The following HPSE2 variants were observed in gnomAD, a reference collection of about 807,000 sequenced individuals.
HPSE2 encodes the protein heparanase 2 (inactive).
In HPSE2, 38 loss-of-function variants were observed where a neutral mutation model predicts 60.5. The observed-to-expected ratio is 0.63, with a 90% CI of 0.48 to 0.82. The LOEUF is 0.82. Ranked by LOEUF, HPSE2 falls within the 40% of genes least tolerant of loss-of-function variation. The pLI is 0.00. For synonymous variants in HPSE2, 295 were observed against 293.2 expected (o/e 1.01, Z -0.06); for missense variants, 713 against 740.4 (o/e 0.96, Z 0.43).
At chr10:99,120,012 A>C (rs1844883071) in intron 3 of HPSE2, among the ~76,000 whole-genome samples, 1 of 152,248 alleles carries the variant, frequency 6.6e-6, no homozygotes, top group Non-Finnish European at 1.5e-5. Context: ...CCTAGGCAGT[A>C]CCATCCTGGA....
intron 6 of HPSE2, among the ~76,000 whole-genome samples, chr10:98,677,922 T>A (rs568357677): frequency 1.3e-5 from 2 of 152,318 alleles, no homozygotes; most frequent in South Asian, 4.1e-4. Context: ...TTTGCTCACA[T>A]TTACTTATAT....
intron 9 of HPSE2, among the ~76,000 whole-genome samples, chr10:98,614,528 G>A (rs973211086): frequency 5.3e-5 from 8 of 152,060 alleles, no homozygotes; most frequent in Admixed American, 2.0e-4. Context: ...TCCTGACCTC[G>A]TGATCCACCC....
intron 4 of HPSE2, among the ~76,000 whole-genome samples, chr10:98,736,670 T>C (rs919584991): frequency 6.6e-6 from 1 of 152,244 alleles, no homozygotes; most frequent in Admixed American, 6.5e-5. Flanking sequence ...TTTCAAACTA[T>C]AAGAGATTCC....
intron 2 of HPSE2, among the ~76,000 whole-genome samples, chr10:99,218,435 G>C (rs1478274624): frequency 2.0e-5 from 3 of 151,980 alleles, no homozygotes; most frequent in Non-Finnish European, 4.4e-5. Context: ...CACACCACAT[G>C]TGTCCTCGAC....
At chr10:99,186,267 G>A (rs7476253) in intron 2 of HPSE2, among the ~76,000 whole-genome samples, 4,209 of 151,992 alleles carry the variant, frequency 0.028, 194 homozygotes, top group African/African-American at 0.096. Flanking sequence ...ATTGCAGACC[G>A]GGCATGGTGG....
rs528000835 is a variant in HPSE2 at position 98,585,405 on chromosome 10, G to A, written c.1320+29499C>T. Among the ~76,000 whole-genome samples, 175 of 151,564 alleles carry A rather than the reference G, an allele frequency of 1.2e-3. 1 individual carries two copies. The highest frequency in any genetic ancestry group is 2.1e-3 in the Non-Finnish European group (144 of 67,898). On this transcript the variant is annotated intron_variant, in intron 9 of 11. Transcript: ENST00000370552. ...TTCTGCCTCAGCCTCCCAAGTAGCT[G>A]GGATTACAGGTGTGCGCCACCACAC...
intron 2 of HPSE2, among the ~76,000 whole-genome samples, chr10:99,219,406 G>A (rs1849237775): frequency 6.6e-6 from 1 of 152,098 alleles, no homozygotes; most frequent in African/African-American, 2.4e-5. Flanking sequence ...GAATCCAGGA[G>A]TAAACTCACC....
chr10:98,478,240 A>C (rs992791258), intron 11 of HPSE2, among the ~76,000 whole-genome samples: 4 of 152,206 alleles, frequency 2.6e-5, no homozygotes, highest in Non-Finnish European at 4.4e-5. Context: ...AGGGAACATG[A>C]CAAGGGAGGG....
intron 3 of HPSE2, among the ~76,000 whole-genome samples, chr10:99,056,790 G>A (rs1331239475): frequency 1.3e-5 from 2 of 151,884 alleles, no homozygotes; most frequent in Non-Finnish European, 2.9e-5. Flanking sequence ...TTGATAAACT[G>A]GATTTTATCA....
chr10:98,912,866 C>T (rs1211584088), intron 3 of HPSE2, among the ~76,000 whole-genome samples: 3 of 152,034 alleles, frequency 2.0e-5, no homozygotes, highest in Non-Finnish European at 4.4e-5. Context: ...ATAAGACCTA[C>T]TATTTGATAG....
At chr10:98,697,549 G>T (rs1227283866) in intron 5 of HPSE2, among the ~76,000 whole-genome samples, 1 of 152,198 alleles carries the variant, frequency 6.6e-6, no homozygotes, top group Admixed American at 6.5e-5. Context: ...ACCTGAAAGA[G>T]ACGGGGAAAA....
chr10:98,500,363 C>T (rs1270890404), intron 9 of HPSE2, among the ~76,000 whole-genome samples: 4 of 152,092 alleles, frequency 2.6e-5, no homozygotes, highest in South Asian at 4.1e-4. Context: ...AAATCAACTC[C>T]AAAAGGAATC....
chr10:98,954,744 A>G (rs1955459647), intron 3 of HPSE2, among the ~76,000 whole-genome samples: 1 of 152,028 alleles, frequency 6.6e-6, no homozygotes, highest in South Asian at 2.1e-4. Flanking sequence ...ATTTGAGGCA[A>G]CAGTCATAAA....
chr10:98,945,588 A>G (rs1955156885), intron 3 of HPSE2, among the ~76,000 whole-genome samples: 3 of 152,182 alleles, frequency 2.0e-5, no homozygotes. Flanking sequence ...CTTGCTATAT[A>G]ATATTAAAAG....
intron 3 of HPSE2, among the ~76,000 whole-genome samples, chr10:98,810,765 A>T (rs567947984): frequency 6.5e-4 from 99 of 152,026 alleles, no homozygotes; most frequent in African/African-American, 2.3e-3. Flanking sequence ...ACTAAAAAAA[A>T]AAAATAAAAA....
chr10:99,296,130 A>G, the HPSE2 span, among the ~76,000 whole-genome samples: 1 of 152,224 alleles, frequency 6.6e-6, no homozygotes, highest in Non-Finnish European at 1.5e-5. Context: ...AAGCTTGCTC[A>G]TATAGCCTTC....
intron 3 of HPSE2, among the ~76,000 whole-genome samples, chr10:98,975,003 G>A (rs1956052654): frequency 6.6e-6 from 1 of 152,050 alleles, no homozygotes; most frequent in African/African-American, 2.4e-5. Flanking sequence ...ATGAAATGTG[G>A]GATTTATCAT....
chr10:98,523,213 A>G (rs1002388873), intron 9 of HPSE2, among the ~76,000 whole-genome samples: 31 of 152,192 alleles, frequency 2.0e-4, no homozygotes, highest in African/African-American at 7.0e-4. Context: ...TACTTTGCCA[A>G]TTTATATTCT....
chr10:99,104,649 C>G (rs183631140), intron 3 of HPSE2, among the ~76,000 whole-genome samples: 4 of 152,260 alleles, frequency 2.6e-5, no homozygotes, highest in African/African-American at 7.2e-5. Flanking sequence ...ACAGCAAAGA[C>G]TTGGAACCAA....
Sources: gnomAD v4.1 joint callset for allele counts (sites outside exome capture counted in the v4.1 genomes callset) on GRCh38, gnomAD v4.1.1 for gene constraint, MANE v1.5 for transcripts, NCBI Gene and HGNC (gene_info 2026-07-23, HGNC 2026-07-21) for gene names.